CADM1: variants seen among roughly 807,000 people sequenced by gnomAD.
CADM1 encodes the protein TSLC-1.
A neutral mutation model predicts 53.1 loss-of-function variants in CADM1; 15 were observed. The ratio of observed to expected loss-of-function variants is 0.28; its 90% confidence interval spans 0.19 to 0.44. CADM1 has a LOEUF of 0.44. Among genes scored for constraint, CADM1 ranks in the 20% least tolerant of loss-of-function variants. The probability of loss-of-function intolerance (pLI) is 1.00; values close to 1 mark genes in which losing one functional copy is unlikely to be tolerated. For synonymous variants in CADM1, 281 were observed against 243.0 expected, an observed-to-expected ratio of 1.16 and a Z score of -1.45; for missense variants, 434 against 611.3, an observed-to-expected ratio of 0.71 and a Z score of 3.06.
chr11:115,503,204 C>T (rs1334802309), intron 1 of CADM1, among the ~76,000 whole-genome samples: 2 of 152,222 alleles, frequency 1.3e-5, no homozygotes, highest in African/African-American at 4.8e-5. Context: ...CTCCGGCTCC[C>T]TTTTGTTAGC....
intron 1 of CADM1, among the ~76,000 whole-genome samples, chr11:115,295,506 T>TTATATATATATATATATATATA (rs71066412): frequency 1.8e-5 from 1 of 55,056 alleles, no homozygotes; most frequent in Non-Finnish European, 3.1e-5. Context: ...TCAAGATATT[T>TTATATATATATATATATATATA]TATATATATA....
chr11:115,423,049 G>C (rs1456131893), intron 1 of CADM1, among the ~76,000 whole-genome samples: 1 of 150,654 alleles, frequency 6.6e-6, no homozygotes, highest in Non-Finnish European at 1.5e-5. Flanking sequence ...TTTAATGTTT[G>C]TGCATTTTTA....
intron 8 of CADM1, among the ~76,000 whole-genome samples, chr11:115,199,762 T>A (rs971593345): frequency 1.3e-5 from 2 of 152,226 alleles, no homozygotes; most frequent in Non-Finnish European, 2.9e-5. Flanking sequence ...GAGTTAGTTA[T>A]CTCTAGTCAA....
At chr11:115,351,877 G>A (rs1945746743) in intron 1 of CADM1, among the ~76,000 whole-genome samples, 1 of 152,162 alleles carries the variant, frequency 6.6e-6, no homozygotes, top group South Asian at 2.1e-4. Context: ...AGATGAGGAG[G>A]AAGAAAGACA....
chr11:115,178,460 C>T (rs17304149), intron 11 of CADM1, among the ~76,000 whole-genome samples, 184 bp downstream of exon 11: 57,532 of 151,254 alleles, frequency 0.38, 12,764 homozygotes, highest in Non-Finnish European at 0.5. Flanking sequence ...TCCTAATCAG[C>T]GGCTGCTAAG....
At chr11:115,445,882 C>T (rs1306458602) in intron 1 of CADM1, 2 of 378,972 alleles carry the variant, frequency 5.3e-6, no homozygotes, top group Non-Finnish European at 1.1e-5. Flanking sequence ...ACAATTATAA[C>T]AATGTACTGC....
chr11:115,427,280 T>C (rs566573069), intron 1 of CADM1, among the ~76,000 whole-genome samples: 9 of 152,210 alleles, frequency 5.9e-5, no homozygotes, highest in African/African-American at 1.4e-4. Flanking sequence ...TGTCTATCAA[T>C]TGGGGAACAG....
chr11:115,245,174 T>G (rs557986910), intron 1 of CADM1, among the ~76,000 whole-genome samples: 3 of 152,326 alleles, frequency 2.0e-5, no homozygotes, highest in African/African-American at 7.2e-5. Context: ...ATACAGTCCC[T>G]TGTAGCAAAA....
chr11:115,349,403 T>G (rs1038566778), intron 1 of CADM1, among the ~76,000 whole-genome samples: 2 of 152,202 alleles, frequency 1.3e-5, no homozygotes, highest in African/African-American at 4.8e-5. Context: ...GAAAAGAGCA[T>G]GACAACCCAA....
At chr11:115,442,817 C>T (rs901492793) in intron 1 of CADM1, among the ~76,000 whole-genome samples, 7 of 152,110 alleles carry the variant, frequency 4.6e-5, no homozygotes, top group Admixed American at 2.0e-4. Flanking sequence ...TAAGGATAAG[C>T]GCAGCTGTTC....
chr11:115,429,205 AT>A (rs1249408301), intron 1 of CADM1, among the ~76,000 whole-genome samples: 1 of 152,198 alleles, frequency 6.6e-6, no homozygotes, highest in Non-Finnish European at 1.5e-5. Context: ...ACAGAAAAAA[AT>A]GATTTATTAA....
chr11:115,309,691 C>T (rs768834538), intron 1 of CADM1, among the ~76,000 whole-genome samples: 1 of 152,064 alleles, frequency 6.6e-6, no homozygotes, highest in East Asian at 1.9e-4. Context: ...AAGGGCCAGC[C>T]GTGAGATGTT....
chr11:115,231,986 CAAT>C (rs34209440), intron 3 of CADM1, among the ~76,000 whole-genome samples: 5,977 of 148,316 alleles, frequency 0.04, 150 homozygotes, highest in Admixed American at 0.047. Context: ...AACTCCGTCT[CAAT>C]AATAATAATA....
intron 1 of CADM1, among the ~76,000 whole-genome samples, chr11:115,333,068 T>G (rs1329468844): frequency 1.3e-5 from 2 of 152,122 alleles, no homozygotes; most frequent in Non-Finnish European, 2.9e-5. Context: ...TGATGTCCCA[T>G]CAGTTCTTCA....
chr11:115,490,117 AG>A (rs1949459252), intron 1 of CADM1, among the ~76,000 whole-genome samples: 1 of 152,236 alleles, frequency 6.6e-6, no homozygotes, highest in African/African-American at 2.4e-5. Context: ...GGTGTATTTT[AG>A]GAAGATTCCT....
At chr11:115,451,167 A>T (rs1253129324) in intron 1 of CADM1, among the ~76,000 whole-genome samples, 1 of 152,218 alleles carries the variant, frequency 6.6e-6, no homozygotes. Flanking sequence ...AGGGAGGAAA[A>T]TGTCTAAACT....
intron 1 of CADM1, among the ~76,000 whole-genome samples, chr11:115,358,846 T>G (rs1945950099): frequency 6.6e-6 from 1 of 152,226 alleles, no homozygotes; most frequent in Non-Finnish European, 1.5e-5. Context: ...GCCACTTTTC[T>G]AAGAGTTTCC....
chr11:115,328,574 A>T (rs1421660245), intron 1 of CADM1, among the ~76,000 whole-genome samples: 2 of 148,724 alleles, frequency 1.3e-5, no homozygotes, highest in African/African-American at 4.9e-5. Flanking sequence ...GTCTGCCTAC[A>T]TCACAGAGTT....
At chr11:115,206,788 T>TTTTTTTTTTTC (rs1565297529) in intron 8 of CADM1, among the ~76,000 whole-genome samples, 2 of 143,230 alleles carry the variant, frequency 1.4e-5, no homozygotes, top group Non-Finnish European at 3.0e-5. Flanking sequence ...TTTTTTTTTT[T>TTTTTTTTTTTC]TAAGCTCAGG....
Sources: allele counts gnomAD v4.1 joint callset (sites outside exome capture counted in the v4.1 genomes callset), GRCh38; gene constraint gnomAD v4.1.1; transcripts MANE v1.5; gene names NCBI Gene and HGNC (gene_info 2026-07-23, HGNC 2026-07-21).